The following KIF13A variants were observed in gnomAD, a reference collection of about 807,000 sequenced individuals.
The protein encoded by KIF13A is kinesin family member 13A.
Under a neutral mutation model 212.2 loss-of-function variants are expected in KIF13A, and 79 were observed. That is an observed-to-expected ratio of 0.37 (90% CI 0.31 to 0.45). KIF13A has a LOEUF of 0.45. Among genes scored for constraint, KIF13A ranks in the 20% least tolerant of loss-of-function variants. KIF13A has a pLI of 1.00. For missense variants in KIF13A, 1,901 were observed against 2,209.0 expected, an observed-to-expected ratio of 0.86 and a Z score of 2.79; for synonymous variants, 789 against 808.6, an observed-to-expected ratio of 0.98 and a Z score of 0.41.
In KIF13A at chr6:17,984,631, T is replaced by A. The variant is rs1407003083; in HGVS notation, c.146+2423A>T. 1.3e-6 allele frequency: 1 copy of A among 765,914 alleles called. No individual in the cohort carries two copies. The highest frequency in any genetic ancestry group is 1.6e-6 in the Non-Finnish European group (1 of 629,872). 47.4% of individuals were successfully genotyped at this position (765,914 alleles called of 1,614,324 possible). A position where few individuals can be genotyped will look rare whatever the true frequency, so the allele number is the denominator to read the frequency against. On this transcript the variant is annotated intron_variant, in intron 2 of 38. Transcript: ENST00000259711. This position sits in a 1 kb window ranked among gnomAD's most constrained non-coding sequence, Gnocchi z 5.0. ...ACGTCAATGCATTCTCACTTGTTTTTACTGGTAAGACTGAAAACTTTCACC... is the reference window on the plus strand; with the variant it reads ...ACGTCAATGCATTCTCACTTGTTTTAACTGGTAAGACTGAAAACTTTCACC...
chr6:17,974,892 A>G (rs550252128), intron 2 of KIF13A, among the ~76,000 whole-genome samples: 2 of 152,246 alleles, frequency 1.3e-5, no homozygotes, highest in Non-Finnish European at 2.9e-5. Context: ...CAAGTATTCA[A>G]TGATCACATA....
At chr6:17,894,916 T>TC (rs1014196502) in intron 3 of KIF13A, among the ~76,000 whole-genome samples, 1 of 152,166 alleles carries the variant, frequency 6.6e-6, no homozygotes, top group Non-Finnish European at 1.5e-5. Flanking sequence ...GTGAGACCTT[T>TC]CCTGCATTAA....
chr6:17,977,114 C>CAAAAAAAAAAAAA (rs398000718), intron 2 of KIF13A, among the ~76,000 whole-genome samples: 36 of 106,616 alleles, frequency 3.4e-4, no homozygotes, highest in Non-Finnish European at 4.4e-4. Flanking sequence ...AAAACAACAA[C>CAAAAAAAAAAAAA]AAAAAAAAAA....
At chr6:17,882,267 C>T (rs1771142442) in intron 3 of KIF13A, 1 of 339,218 alleles carries the variant, frequency 2.9e-6, no homozygotes, top group African/African-American at 2.1e-5. Context: ...CTACAGGGAA[C>T]TCAAGTATGT....
intron 22 of KIF13A, among the ~76,000 whole-genome samples, chr6:17,797,755 G>A (rs1346246696): frequency 5.9e-5 from 9 of 152,108 alleles, no homozygotes; most frequent in South Asian, 2.1e-4. Flanking sequence ...AAAACTAGCC[G>A]GGTGTGGTGG....
intron 4 of KIF13A, among the ~76,000 whole-genome samples, chr6:17,859,819 T>G (rs1768558766): frequency 6.6e-6 from 1 of 151,658 alleles, no homozygotes; most frequent in Non-Finnish European, 1.5e-5. Context: ...CTATCTTTAG[T>G]AGAGACGAGG....
Position 17,828,262 on chromosome 6 carries a change from G to C in KIF13A, c.1510C>G (p.Leu504Val), listed in dbSNP as rs2150368454. ...IDIASDGDVTLTPKENARSCV... is the reference protein window; with the variant it reads ...IDIASDGDVTVTPKENARSCV... Reference sequence around the variant, plus strand: ...TACCTTGCATTTTCTTTTGGAGTGAGAGTGACGTCTCCATCAGATGCAATG... The same window carrying C: ...TACCTTGCATTTTCTTTTGGAGTGACAGTGACGTCTCCATCAGATGCAATG... The change falls in exon 14 of 39, where the codon CTC becomes GTC. Residue 504 changes from leucine to valine, a missense_variant. Leu to Val is a conservative substitution (Grantham distance 32). This residue lies in a region of KIF13A where 506 missense variants were observed against 637.4 expected (regional missense o/e 0.79). Transcript: ENST00000259711. This position sits in a 1 kb window ranked among gnomAD's most constrained non-coding sequence, Gnocchi z 4.3. 6.2e-7 allele frequency: 1 copy of C among 1,610,112 alleles called. No homozygotes were observed. Among genetic ancestry groups the C allele is most frequent in the Non-Finnish European group, 8.5e-7 (1 of 1,178,058 alleles).
At chr6:17,800,600 C>A (rs1281765083) in intron 20 of KIF13A, among the ~76,000 whole-genome samples, 1 of 105,018 alleles carries the variant, frequency 9.5e-6, no homozygotes, top group Non-Finnish European at 2.0e-5. Flanking sequence ...CCACGCCCAG[C>A]TAATTTTTTT....
In KIF13A at chr6:17,886,876, CGTT is replaced by C. The variant is rs1426492861; in HGVS notation, c.159+11289_159+11291del. Among the ~76,000 whole-genome samples, 1 of 149,984 alleles carries C rather than the reference CGTT, an allele frequency of 6.7e-6. No homozygotes were observed. Among genetic ancestry groups the C allele is most frequent in the Admixed American group, 6.6e-5 (1 of 15,076 alleles). On this transcript the variant is annotated intron_variant, in intron 3 of 38. Transcript: ENST00000259711. This position sits in a 1 kb window ranked among gnomAD's most constrained non-coding sequence, Gnocchi z 5.6. ...ATGTTTCTGAGGATTGTTTTGTTGT[CGTT>C]GTTAAAAAGAGGAAAAAAAAAAAAG...
intron 2 of KIF13A, among the ~76,000 whole-genome samples, chr6:17,917,265 G>C (rs572878445): frequency 1.5e-5 from 2 of 129,084 alleles, no homozygotes; most frequent in South Asian, 4.8e-4. Flanking sequence ...TTTTGAGACA[G>C]AGTCTCGCTC....
chr6:17,823,037 C>CTT (rs10708452), intron 16 of KIF13A, among the ~76,000 whole-genome samples: 1 of 145,108 alleles, frequency 6.9e-6, no homozygotes, highest in Admixed American at 6.8e-5. Context: ...TGGTTCTATA[C>CTT]TTTTTTTTTT....
chr6:17,896,696 A>G (rs1258350969), intron 3 of KIF13A, among the ~76,000 whole-genome samples: 1 of 152,258 alleles, frequency 6.6e-6, no homozygotes, highest in African/African-American at 2.4e-5. Context: ...ACTAGGCTAT[A>G]TATACTCACT....
In KIF13A at chr6:17,895,681, T is replaced by G. The variant is rs1772495685; in HGVS notation, c.159+2487A>C. Among the ~76,000 whole-genome samples the G allele has an allele frequency of 6.6e-6, 1 of 152,206 alleles. No homozygotes were observed. The highest frequency in any genetic ancestry group is 2.4e-5 in the African/African-American group (1 of 41,456). ...CCACAAAGCAGTCAGCAATATGCAT[T>G]TGCTCTGTCTTTAAGCCGCTCCTTC... is the stretch of plus-strand genomic sequence containing the variant. On this transcript the variant is annotated intron_variant, in intron 3 of 38. Coordinates refer to ENST00000259711, the MANE Select transcript of KIF13A (RefSeq NM_022113.6). The surrounding 1 kb of genome is among the most constrained non-coding windows in gnomAD (Gnocchi z 4.4).
intron 38 of KIF13A, among the ~76,000 whole-genome samples, chr6:17,767,257 T>A (rs1759079628): frequency 6.7e-6 from 1 of 148,576 alleles, no homozygotes; most frequent in Non-Finnish European, 1.5e-5. Flanking sequence ...CAAAATTAAT[T>A]TTTTTTTTTT....
intron 2 of KIF13A, among the ~76,000 whole-genome samples, chr6:17,965,427 C>T (rs1379796197): frequency 1.3e-5 from 2 of 152,202 alleles, no homozygotes; most frequent in Admixed American, 6.5e-5. Context: ...AAATCTCCTA[C>T]AGACCATTTT....
chr6:17,801,223 G>A (rs1762447817), intron 20 of KIF13A, among the ~76,000 whole-genome samples: 1 of 151,532 alleles, frequency 6.6e-6, no homozygotes, highest in Admixed American at 6.6e-5. Context: ...CAGGCGTGGT[G>A]GCTCAAGCCT....
In KIF13A at chr6:17,772,173, G is replaced by T; in HGVS notation, c.4325-114C>A. On this transcript the variant is annotated intron_variant, in intron 36 of 38. Transcript: ENST00000259711. The surrounding 1 kb of genome is among the most constrained non-coding windows in gnomAD (Gnocchi z 4.8). ...ATCTGGGAGAACAATGAAATTCATAGGCTAATATTTGGCTAAGCATTAAAA... is the reference window on the plus strand; with the variant it reads ...ATCTGGGAGAACAATGAAATTCATATGCTAATATTTGGCTAAGCATTAAAA... The T allele has an allele frequency of 9.9e-7, 1 of 1,007,854 alleles. No individual in the cohort carries two copies. The highest frequency in any genetic ancestry group is 1.5e-6 in the Non-Finnish European group (1 of 678,892). The allele number at this position is 1,007,854 out of a possible 1,614,324, so 62.4% of individuals were successfully genotyped here. A position where few individuals can be genotyped will look rare whatever the true frequency, so the allele number is the denominator to read the frequency against.
intron 3 of KIF13A, among the ~76,000 whole-genome samples, chr6:17,880,816 T>C (rs59233337): frequency 0.05 from 7,615 of 151,948 alleles, 482 homozygotes; most frequent in African/African-American, 0.14. Flanking sequence ...GATGGGGTCT[T>C]GCAACATTGC....
intron 4 of KIF13A, among the ~76,000 whole-genome samples, chr6:17,865,739 AG>A (rs948310656): frequency 2.6e-5 from 4 of 152,366 alleles, no homozygotes; most frequent in African/African-American, 4.8e-5. Flanking sequence ...AATCAACTAC[AG>A]AAAAGTCTAC....
Sources: gnomAD v4.1 joint callset for allele counts (sites outside exome capture counted in the v4.1 genomes callset) on GRCh38, gnomAD v4.1.1 for gene constraint, gnomAD v4.1.1 regional missense constraint, Gnocchi (gnomAD v3.1) non-coding constraint, MANE v1.5 for transcripts, NCBI Gene and HGNC (gene_info 2026-07-23, HGNC 2026-07-21) for gene names.